KLHL1: variants seen among roughly 807,000 people sequenced by gnomAD.
The protein encoded by KLHL1 is kelch-like protein 1.
Under a neutral mutation model 77.7 loss-of-function variants are expected in KLHL1, and 47 were observed. The ratio of observed to expected loss-of-function variants is 0.60; its 90% confidence interval spans 0.48 to 0.77. The LOEUF (loss-of-function observed/expected upper bound fraction) is 0.77, where lower values mean the gene tolerates loss of function less well. KLHL1 is among the 30% of genes least tolerant of loss of function. The probability of loss-of-function intolerance (pLI) is 0.00; values close to 1 mark genes in which losing one functional copy is unlikely to be tolerated. For synonymous variants in KLHL1, 360 were observed against 325.2 expected (o/e 1.11, Z -1.15); for missense variants, 925 against 910.8 (o/e 1.02, Z -0.20).
Position 69,707,634 on chromosome 13 carries a change from C to G in KLHL1, c.2178G>C (p.Glu726Asp). The G allele has an allele frequency of 6.2e-7, 1 of 1,610,960 alleles. No homozygotes were observed. Among genetic ancestry groups the G allele is most frequent in the Middle Eastern group, 1.7e-4 (1 of 6,044 alleles). The stretch of plus-strand genomic sequence containing the variant: ...CTGATGACAATCTTACCTGTGTCCA[C>G]TCATTAGTTTGTGGGTCATAGGATT... ...TMESYDPQTN[E>D]WTQMASLNIG... Residue 726 changes from glutamate (E) to aspartate (D), a missense_variant, in exon 10 of 11, where the codon GAG becomes GAC. By Grantham distance (45) the Glu-to-Asp change is conservative. Transcript: ENST00000377844.
intron 5 of KLHL1, among the ~76,000 whole-genome samples, chr13:69,881,518 C>T (rs1880987611): frequency 6.6e-6 from 1 of 152,090 alleles, no homozygotes; most frequent in Non-Finnish European, 1.5e-5. Context: ...CACCTTCAAG[C>T]TTATTTTTGG....
intron 5 of KLHL1, among the ~76,000 whole-genome samples, chr13:69,872,443 T>C (rs564852558): frequency 2.6e-5 from 4 of 152,192 alleles, no homozygotes; most frequent in Non-Finnish European, 5.9e-5. Flanking sequence ...GAGTAAACTT[T>C]CCTCATTACC....
At chr13:69,776,290 T>TCAAAAGGGGG in intron 7 of KLHL1, among the ~76,000 whole-genome samples, 1 of 152,274 alleles carries the variant, frequency 6.6e-6, no homozygotes, top group East Asian at 1.9e-4. Flanking sequence ...CTAGAAATAT[T>TCAAAAGGGGG]TATACACAAA....
intron 4 of KLHL1, among the ~76,000 whole-genome samples, chr13:69,917,732 T>A (rs1265392369): frequency 6.6e-6 from 1 of 152,132 alleles, no homozygotes; most frequent in African/African-American, 2.4e-5. Flanking sequence ...ATATAGGTCT[T>A]TGCAAGGTTT....
At chr13:69,774,622 T>G (rs1875736585) in intron 7 of KLHL1, among the ~76,000 whole-genome samples, 1 of 151,954 alleles carries the variant, frequency 6.6e-6, no homozygotes, top group Non-Finnish European at 1.5e-5. Flanking sequence ...GTAGATATTC[T>G]TTTATTCCTT....
chr13:70,071,216 G>T (rs951955128), intron 1 of KLHL1, among the ~76,000 whole-genome samples: 2 of 151,958 alleles, frequency 1.3e-5, no homozygotes, highest in East Asian at 1.9e-4. Flanking sequence ...TACCAGGCTG[G>T]AGTAGCTATA....
intron 5 of KLHL1, among the ~76,000 whole-genome samples, chr13:69,853,688 T>C (rs930800275): frequency 2.0e-5 from 3 of 152,030 alleles, no homozygotes; most frequent in Non-Finnish European, 4.4e-5. Flanking sequence ...AAGTTTCTTA[T>C]CAAGAGAACT....
intron 1 of KLHL1, among the ~76,000 whole-genome samples, chr13:70,089,886 A>T (rs191166593): frequency 6.6e-6 from 1 of 152,242 alleles, no homozygotes; most frequent in East Asian, 1.9e-4. Flanking sequence ...TGAGAGAGAA[A>T]TTGCTAATGC....
At chr13:69,913,884 T>C (rs1451122444) in intron 4 of KLHL1, among the ~76,000 whole-genome samples, 1 of 152,172 alleles carries the variant, frequency 6.6e-6, no homozygotes, top group African/African-American at 2.4e-5. Context: ...GTGAGGGTGC[T>C]GCCAAAGGAG....
intron 8 of KLHL1, among the ~76,000 whole-genome samples, chr13:69,722,121 G>A (rs140098097): frequency 2.2e-4 from 34 of 151,962 alleles, no homozygotes; most frequent in East Asian, 1.9e-3. Flanking sequence ...CACAGCTCTC[G>A]TACATAGTTT....
intron 6 of KLHL1, among the ~76,000 whole-genome samples, chr13:69,832,918 G>T (rs1200675860): frequency 6.6e-6 from 1 of 151,984 alleles, no homozygotes; most frequent in Non-Finnish European, 1.5e-5. Context: ...CAAAAAACTG[G>T]ATCCTCATCT....
rs190618080 is a variant in KLHL1, at chr13:69,890,912, T to C, written c.1015-8417A>G. Among the ~76,000 whole-genome samples, 124 of 152,186 alleles carry C rather than the reference T, an allele frequency of 8.1e-4. 1 individual carries two copies. In the Middle Eastern group the frequency reaches 0.017, roughly 21 times the overall value. Reference sequence around the variant, plus strand: ...TTTTAATCTTATATATACAAACATATACTTGTTTAATTAATATTATTCAAA... The same window carrying C: ...TTTTAATCTTATATATACAAACATACACTTGTTTAATTAATATTATTCAAA... On this transcript the variant is annotated intron_variant, in intron 4 of 10. Coordinates refer to ENST00000377844, the MANE Select transcript of KLHL1 (RefSeq NM_020866.3).
At chr13:69,961,776 G>T (rs2501222) in intron 2 of KLHL1, among the ~76,000 whole-genome samples, 94,458 of 151,096 alleles carry the variant, frequency 0.63, 29,502 homozygotes, top group South Asian at 0.65. Flanking sequence ...CTAAACTATC[G>T]TGAATTTGAA....
chr13:69,801,961 T>A (rs1017924120), intron 6 of KLHL1, among the ~76,000 whole-genome samples: 2 of 152,156 alleles, frequency 1.3e-5, no homozygotes, highest in Admixed American at 1.3e-4. Flanking sequence ...TTGCTGCACT[T>A]ATCAACCCGT....
chr13:69,996,910 A>ATTTTTTTTTTTTTT lies in KLHL1; in HGVS notation c.498-21122_498-21109dup, dbSNP rs10549532. Among the ~76,000 whole-genome samples the ATTTTTTTTTTTTTT allele has an allele frequency of 4.2e-4, 30 of 71,234 alleles. 2 individuals carry two copies. Among genetic ancestry groups the ATTTTTTTTTTTTTT allele is most frequent in the Admixed American group, 9.2e-4 (4 of 4,366 alleles). The allele number at this position is 71,234 out of a possible 152,430, so 46.7% of individuals were successfully genotyped here. Reference sequence around the variant, plus strand: ...GAAAAGTTCTTATTTTATTCATTAAATTTTTTTTTTTTTTTTTTTTTTTTT... The same window carrying ATTTTTTTTTTTTTT: ...GAAAAGTTCTTATTTTATTCATTAAATTTTTTTTTTTTTTTTTTTTTTTTTTTTTTTTTTTTTTT... On this transcript the variant is annotated intron_variant, in intron 1 of 10. Coordinates refer to ENST00000377844, the MANE Select transcript of KLHL1 (RefSeq NM_020866.3).
intron 5 of KLHL1, among the ~76,000 whole-genome samples, chr13:69,850,620 A>G (rs1423825808): frequency 6.6e-6 from 1 of 151,692 alleles, no homozygotes; most frequent in East Asian, 1.9e-4. Flanking sequence ...AATTTTTGAG[A>G]AAGATCCATC....
intron 7 of KLHL1, among the ~76,000 whole-genome samples, chr13:69,751,868 T>C (rs1259743554): frequency 6.6e-6 from 1 of 152,042 alleles, no homozygotes; most frequent in African/African-American, 2.4e-5. Context: ...GTGATGCAAG[T>C]TGACATAAGG....
chr13:69,884,981 C>G (rs1413246273), intron 4 of KLHL1, among the ~76,000 whole-genome samples: 2 of 129,732 alleles, frequency 1.5e-5, no homozygotes, highest in Admixed American at 7.4e-5. Context: ...TCGCCCAGGC[C>G]GGACTGCGGA....
intron 4 of KLHL1, among the ~76,000 whole-genome samples, chr13:69,895,268 C>G (rs1032900043): frequency 2.6e-5 from 4 of 152,086 alleles, no homozygotes; most frequent in Non-Finnish European, 5.9e-5. Context: ...TTTTTCCCCA[C>G]TCTAGTTGGT....
Sources: gnomAD v4.1 joint callset for allele counts (sites outside exome capture counted in the v4.1 genomes callset) on GRCh38, gnomAD v4.1.1 for gene constraint, MANE v1.5 for transcripts, NCBI Gene and HGNC (gene_info 2026-07-23, HGNC 2026-07-21) for gene names.